MICOS10: variants seen among roughly 807,000 people sequenced by gnomAD.
MICOS10 encodes the protein mitochondrial contact site and cristae organizing system subunit 10.
Under a neutral mutation model 13.4 loss-of-function variants are expected in MICOS10, and 5 were observed. The ratio of observed to expected loss-of-function variants is 0.37; its 90% CI spans 0.20 to 0.78. The LOEUF is 0.78. Among genes scored for constraint, MICOS10 ranks in the 30% least tolerant of loss-of-function variants. MICOS10 has a pLI of 0.47. For synonymous variants in MICOS10, 35 were observed against 33.6 expected (o/e 1.04, Z -0.15); for missense variants, 101 against 94.6 (o/e 1.07, Z -0.28).
intron 1 of MICOS10, among the ~76,000 whole-genome samples, chr1:19,615,613 C>T (rs1407996818): frequency 1.4e-5 from 2 of 147,634 alleles, no homozygotes; most frequent in East Asian, 3.9e-4. Context: ...CGCTTTGTTG[C>T]CCAGGCTGGA....
intron 1 of MICOS10, among the ~76,000 whole-genome samples, chr1:19,601,563 C>T (rs1005369757): frequency 7.5e-6 from 1 of 132,530 alleles, no homozygotes; most frequent in Non-Finnish European, 1.6e-5. Context: ...GACGACAGAG[C>T]AAGACCCTTT....
chr1:19,622,137 C>T lies in MICOS10; in HGVS notation c.102C>T (p.Thr34=), dbSNP rs762838951. 1.2e-6 allele frequency: 2 copies of T among 1,610,780 alleles called. No homozygotes were observed. Among genetic ancestry groups the T allele is most frequent in the South Asian group, 2.2e-5 (2 of 90,876 alleles). ...GFGLGIVFSL[T]FFKRRMWPLA... ...GATTAGGAATTGTTTTCTCACTTACCTTCTTTAAAAGTAAGTGTCACTCTG... is the reference window on the plus strand; with the variant it reads ...GATTAGGAATTGTTTTCTCACTTACTTTCTTTAAAAGTAAGTGTCACTCTG... Residue 34 remains threonine, a synonymous_variant, in exon 2 of 4, where the codon ACC becomes ACT. Coordinates refer to ENST00000322753, the MANE Select transcript of MICOS10 (RefSeq NM_001032363.4).
At chr1:19,618,231 G>A (rs2094891371) in intron 1 of MICOS10, among the ~76,000 whole-genome samples, 2 of 150,868 alleles carry the variant, frequency 1.3e-5, no homozygotes, top group Non-Finnish European at 2.9e-5. Context: ...CAAGCCTCCT[G>A]AGTAGCTGGG....
chr1:19,622,043 T>C lies in MICOS10; in HGVS notation c.65-57T>C, dbSNP rs554849549. 124 of 1,299,366 alleles carry C rather than the reference T, an allele frequency of 9.5e-5. No individual in the cohort carries two copies. In the East Asian group the frequency reaches 2.8e-3, roughly 29 times the overall value. 80.5% of individuals were successfully genotyped at this position (1,299,366 alleles called of 1,614,324 possible). A position where few individuals can be genotyped will look rare whatever the true frequency, so the allele number is the denominator to read the frequency against. On this transcript the variant is annotated intron_variant, in intron 1 of 3. Coordinates refer to ENST00000322753, the MANE Select transcript of MICOS10 (RefSeq NM_001032363.4). ...TGTTCACATTTAAGAAATGTTAATG[T>C]TATCTTTGTGAAGTTACTGCTATGA...
Position 19,627,613 on chromosome 1 carries a change from C to T in MICOS10, c.*1212C>T, listed in dbSNP as rs769748949. 2 of 152,172 alleles carry T rather than the reference C, an allele frequency of 1.3e-5. No homozygotes were observed. Among genetic ancestry groups the T allele is most frequent in the Non-Finnish European group, 2.9e-5 (2 of 68,058 alleles). The allele number at this position is 152,172 out of a possible 1,614,324, so 9.4% of individuals were successfully genotyped here. The stretch of plus-strand genomic sequence containing the variant: ...GCGACGGAATGCCTGCGCTGGGACC[C>T]GAAGTTGACTGGGAATCCCAGACAG... On this transcript the variant is annotated 3_prime_UTR_variant, in exon 4 of 4. Coordinates refer to ENST00000322753, the MANE Select transcript of MICOS10 (RefSeq NM_001032363.4).
chr1:19,605,964 T>C (rs1279978753), intron 1 of MICOS10, among the ~76,000 whole-genome samples: 1 of 152,190 alleles, frequency 6.6e-6, no homozygotes, highest in Non-Finnish European at 1.5e-5. Context: ...ATTCATTGAA[T>C]GGTAAGCTGA....
rs2094911706 is a variant in MICOS10, at chr1:19,623,550, G to C, written c.189G>C (p.Gln63His). ...MAYSNCQHDF[Q>H]APYLLHGKYV... ...ATTCCAACTGTCAGCATGATTTCCA[G>C]GCTCCATATCTTCTACATGGAAAAT... The change falls in exon 3 of 4, where the codon CAG (glutamine) becomes CAC (histidine). Residue 63 changes from glutamine (Q) to histidine (H), a missense_variant. Coordinates refer to ENST00000322753, the MANE Select transcript of MICOS10 (RefSeq NM_001032363.4). 6.2e-7 allele frequency: 1 copy of C among 1,613,002 alleles called. No homozygotes were observed. Among genetic ancestry groups the C allele is most frequent in the African/African-American group, 1.3e-5 (1 of 74,880 alleles).
chr1:19,599,388 C>G (rs840267), intron 1 of MICOS10, among the ~76,000 whole-genome samples: 16,639 of 152,190 alleles, frequency 0.11, 3,073 homozygotes, highest in African/African-American at 0.38. Context: ...TATTGTGCTA[C>G]TGAAGACCAC....
intron 1 of MICOS10, among the ~76,000 whole-genome samples, chr1:19,619,228 C>T (rs2094895129): frequency 6.6e-6 from 1 of 152,202 alleles, no homozygotes; most frequent in South Asian, 2.1e-4. Context: ...ATGACTACAG[C>T]TCATTCTGTT....
In MICOS10 at chr1:19,597,090, G is replaced by A; in HGVS notation, c.45G>A (p.Ala15=). 1 of 1,600,948 alleles carries A rather than the reference G, an allele frequency of 6.2e-7. No homozygotes were observed. The highest frequency in any genetic ancestry group is 8.5e-7 in the Non-Finnish European group (1 of 1,174,542). ...ELGRKWDRCL[A]DAVVKIGTGF... ...GCAGGAAGTGGGACCGGTGTCTGGCGGATGCGGTCGTGAAGATAGGTAAGG... is the reference window on the plus strand; with the variant it reads ...GCAGGAAGTGGGACCGGTGTCTGGCAGATGCGGTCGTGAAGATAGGTAAGG... Residue 15 remains alanine (A), a synonymous_variant, in exon 1 of 4, where the codon GCG becomes GCA. Coordinates refer to ENST00000322753, the MANE Select transcript of MICOS10 (RefSeq NM_001032363.4).
chr1:19,606,342 G>T (rs1340860453), intron 1 of MICOS10, among the ~76,000 whole-genome samples: 1 of 152,184 alleles, frequency 6.6e-6, no homozygotes, highest in East Asian at 1.9e-4. Flanking sequence ...TATGTCTTGA[G>T]ATAGGTCTCT....
chr1:19,612,230 T>A (rs2094865945), intron 1 of MICOS10, among the ~76,000 whole-genome samples: 3 of 149,826 alleles, frequency 2.0e-5, no homozygotes, highest in Non-Finnish European at 4.5e-5. Context: ...AATTTTTTTT[T>A]AATTTTTAGT....
intron 1 of MICOS10, among the ~76,000 whole-genome samples, chr1:19,610,204 T>C (rs1480968978): frequency 6.6e-6 from 1 of 151,774 alleles, no homozygotes; most frequent in Admixed American, 6.6e-5. Flanking sequence ...TTTTTAAAAA[T>C]AGAAGGCAGA....
In MICOS10 at chr1:19,608,346, C is replaced by T. The variant is rs550710714; in HGVS notation, c.64+11237C>T. 1.3e-5 allele frequency: 17 copies of T among 1,286,520 alleles called. 1 individual carries two copies. The highest frequency in any genetic ancestry group is 1.8e-4 in the Middle Eastern group (1 of 5,426). 79.7% of individuals were successfully genotyped at this position (1,286,520 alleles called of 1,614,324 possible). A position where few individuals can be genotyped will look rare whatever the true frequency, so the allele number is the denominator to read the frequency against. ...TCGCCATATGCTGCTATGTTGACCA[C>T]CCAGGATGTGGCCCAGAGGTGCAAG... On this transcript the variant is annotated intron_variant, in intron 1 of 3. Coordinates refer to ENST00000322753, the MANE Select transcript of MICOS10 (RefSeq NM_001032363.4).
Position 19,608,348 on chromosome 1 carries a change from C to G in MICOS10, c.64+11239C>G, listed in dbSNP as rs767046069. On this transcript the variant is annotated intron_variant, in intron 1 of 3. Transcript: ENST00000322753. Reference sequence around the variant, plus strand: ...GCCATATGCTGCTATGTTGACCACCCAGGATGTGGCCCAGAGGTGCAAGGA... The same window carrying G: ...GCCATATGCTGCTATGTTGACCACCGAGGATGTGGCCCAGAGGTGCAAGGA... The G allele has an allele frequency of 4.7e-6, 6 of 1,282,914 alleles. No homozygotes were observed. The South Asian group carries it at 5.9e-5, about 13-fold the overall frequency. The allele number at this position is 1,282,914 out of a possible 1,614,324, so 79.5% of individuals were successfully genotyped here.
At chr1:19,619,891 C>T (rs1433939177) in intron 1 of MICOS10, among the ~76,000 whole-genome samples, 1 of 152,202 alleles carries the variant, frequency 6.6e-6, no homozygotes. Flanking sequence ...CTCCCCACCC[C>T]CTACCACACA....
rs542518577 is a variant in MICOS10 at position 19,615,354 on chromosome 1, C to G, written c.65-6746C>G. 8.1e-5 allele frequency among the ~76,000 whole-genome samples: 11 copies of G among 135,310 alleles called. No individual in the cohort carries two copies. In the South Asian group the frequency reaches 2.3e-3, roughly 29 times the overall value. 88.8% of individuals were successfully genotyped at this position (135,310 alleles called of 152,430 possible). ...CTAGTCTTCCAAGTGTTTTACACATCTCATGGGTTTCATCCTCACTATTCC... is the reference window on the plus strand; with the variant it reads ...CTAGTCTTCCAAGTGTTTTACACATGTCATGGGTTTCATCCTCACTATTCC... On this transcript the variant is annotated intron_variant, in intron 1 of 3. Coordinates refer to ENST00000322753, the MANE Select transcript of MICOS10 (RefSeq NM_001032363.4).
chr1:19,615,536 A>G (rs1282737216), intron 1 of MICOS10, among the ~76,000 whole-genome samples: 1 of 152,230 alleles, frequency 6.6e-6, no homozygotes, highest in East Asian at 1.9e-4. Context: ...CCAAATCCAC[A>G]TAACCTCAAA....
At position 19,621,258 on chromosome 1, in the gene MICOS10, G is replaced by T. The variant is rs973110898; in HGVS notation, c.65-842G>T. Among the ~76,000 whole-genome samples, 11 of 152,178 alleles carry T rather than the reference G, an allele frequency of 7.2e-5. 1 individual carries two copies. Among genetic ancestry groups the T allele is most frequent in the Admixed American group, 6.5e-4 (10 of 15,284 alleles). ...GGTCAACTTCTTGTGTCTGTGACTT[G>T]TGCGGTAGGATTGGTCTGGGAATGA... On this transcript the variant is annotated intron_variant, in intron 1 of 3. Transcript: ENST00000322753.
Sources: allele counts gnomAD v4.1 joint callset (sites outside exome capture counted in the v4.1 genomes callset), GRCh38; gene constraint gnomAD v4.1.1; transcripts MANE v1.5; gene names NCBI Gene and HGNC (gene_info 2026-07-23, HGNC 2026-07-21).